DDX23: variants seen among roughly 807,000 people sequenced by gnomAD.
DDX23 encodes DEAD-box helicase 23.
Under a neutral mutation model 102.7 loss-of-function variants are expected in DDX23, and 33 were observed. That is an observed-to-expected ratio of 0.32 (90% CI 0.24 to 0.43). The LOEUF is 0.43. DDX23 is among the 20% of genes least tolerant of loss of function. The probability of loss-of-function intolerance (pLI) is 1.00; values close to 1 mark genes in which losing one functional copy is unlikely to be tolerated. For missense variants in DDX23, 549 were observed against 1,086.6 expected, an observed-to-expected ratio of 0.51 and a Z score of 6.96; for synonymous variants, 352 against 376.0, an observed-to-expected ratio of 0.94 and a Z score of 0.74.
chr12:48,836,195 C>G lies in DDX23; in HGVS notation c.1308G>C (p.Glu436Asp). The G allele has an allele frequency of 6.2e-7, 1 of 1,614,090 alleles. No homozygotes were observed. Among genetic ancestry groups the G allele is most frequent in the Non-Finnish European group, 8.5e-7 (1 of 1,180,034 alleles). ...LQNRDIIGVA[E>D]TGSGKTAAFL... The stretch of plus-strand genomic sequence containing the variant: ...AGGCTGCTGTCTTGCCACTGCCAGT[C>G]TCAGCCACACCAATGATGTCACGAT... Residue 436 changes from glutamate (E) to aspartate (D), a missense_variant, in exon 11 of 17, where the codon GAG becomes GAC. Coordinates refer to ENST00000308025, the MANE Select transcript of DDX23 (RefSeq NM_004818.3). This position sits in a 1 kb window ranked among gnomAD's most constrained non-coding sequence, Gnocchi z 6.1.
At position 48,845,510 on chromosome 12, in the gene DDX23, C is replaced by G. The variant is rs919982070; in HGVS notation, c.209+64G>C. Reference sequence around the variant, plus strand: ...CTAATACTGGAGGCATCAGAAGAACCAAGAAGGAAGAAATCTGAAACGTAC... The same window carrying G: ...CTAATACTGGAGGCATCAGAAGAACGAAGAAGGAAGAAATCTGAAACGTAC... On this transcript the variant is annotated intron_variant, in intron 2 of 16. Coordinates refer to ENST00000308025, the MANE Select transcript of DDX23 (RefSeq NM_004818.3). The G allele has an allele frequency of 3.2e-6, 5 of 1,583,492 alleles. No homozygotes were observed. The East Asian group carries it at 9.0e-5, about 28-fold the overall frequency.
chr12:48,845,823 T>G, intron 1 of DDX23, 41 bp from the exon 2 acceptor site: 1 of 1,586,158 alleles, frequency 6.3e-7, no homozygotes, highest in South Asian at 1.1e-5. Flanking sequence ...TACTAGGCAC[T>G]GCTCTAAACT....
In DDX23 at chr12:48,837,577, G is replaced by A. The variant is rs368984996; in HGVS notation, c.700C>T (p.Arg234Trp). 8 of 1,613,962 alleles carry A rather than the reference G, an allele frequency of 5.0e-6. No individual in the cohort carries two copies. The highest frequency in any genetic ancestry group is 6.8e-6 in the Non-Finnish European group (8 of 1,180,020). ...TCCTTCTCTTCCCGGATCTTCTGCCGCCCTTCCTCATCCTCATTTCCATTG... is the reference window on the plus strand; with the variant it reads ...TCCTTCTCTTCCCGGATCTTCTGCCACCCTTCCTCATCCTCATTTCCATTG... ...ETNGNEDEEG[R>W]QKIREEKDKS... Residue 234 changes from arginine (R) to tryptophan (W), a missense_variant, in exon 7 of 17, where the codon CGG becomes TGG. By Grantham distance (101) the Arg-to-Trp change is moderately radical. Transcript: ENST00000308025.
Position 48,844,041 on chromosome 12 carries a change from C to CCGT in DDX23, c.216_218dup (p.Arg73dup). On this transcript the variant is annotated inframe_insertion, in exon 3 of 17. Transcript: ENST00000308025. ...CCTTATCTCGTTCTCGTTCTTTGTG[C>CCGT]CGTCGTTCTCTGGAAGACCGCAAAT... The CCGT allele has an allele frequency of 6.2e-7, 1 of 1,614,122 alleles. No individual in the cohort carries two copies. The highest frequency in any genetic ancestry group is 8.5e-7 in the Non-Finnish European group (1 of 1,179,998).
chr12:48,837,705 G>C (rs1239666440), intron 6 of DDX23, 48 bp from the exon 7 acceptor site: 2 of 1,609,054 alleles, frequency 1.2e-6, no homozygotes, highest in African/African-American at 1.3e-5. Flanking sequence ...TGGAAGAAAA[G>C]AGGAGAGGGA....
chr12:48,831,237 T>C lies in DDX23; in HGVS notation c.2144A>G (p.Lys715Arg). The change falls in exon 16 of 17, where the codon AAG (lysine) becomes AGG (arginine). Residue 715 changes from lysine to arginine, a missense_variant. Lys to Arg is a conservative substitution (Grantham distance 26). Transcript: ENST00000308025. ...FALSNLKAGAKDILVATDVAG... is the reference protein window; with the variant it reads ...FALSNLKAGARDILVATDVAG... ...CACATCTGTAGCCACCAAAATATCC[T>C]TGGCCCCAGCCTTGAGGTTGGACAA... 2 of 1,614,260 alleles carry C rather than the reference T, an allele frequency of 1.2e-6. No individual in the cohort carries two copies. The highest frequency in any genetic ancestry group is 1.7e-6 in the Non-Finnish European group (2 of 1,180,044).
chr12:48,836,126 A>G lies in DDX23; in HGVS notation c.1377T>C (p.Ile459=). 1.2e-6 allele frequency: 2 copies of G among 1,612,858 alleles called. No homozygotes were observed. The highest frequency in any genetic ancestry group is 1.7e-6 in the Non-Finnish European group (2 of 1,179,956). ...LLVWITTLPK[I]DRIEESDQGP... is the part of the protein sequence containing the mutation. ...CTGGTGCTAGCTGACCTCACCTGTC[A>G]ATTTTGGGAAGTGTGGTGATCCAGA... The change falls in exon 11 of 17, where the codon ATT becomes ATC. Residue 459 remains isoleucine, a synonymous_variant. Coordinates refer to ENST00000308025, the MANE Select transcript of DDX23 (RefSeq NM_004818.3). This position sits in a 1 kb window ranked among gnomAD's most constrained non-coding sequence, Gnocchi z 6.1.
chr12:48,832,302 A>G lies in DDX23; in HGVS notation c.1956-116T>C. 1 of 1,554,014 alleles carries G rather than the reference A, an allele frequency of 6.4e-7. No individual in the cohort carries two copies. Among genetic ancestry groups the G allele is most frequent in the Non-Finnish European group, 8.8e-7 (1 of 1,136,894 alleles). The stretch of plus-strand genomic sequence containing the variant: ...CTTTAATGCCCATGACATTCTGCCC[A>G]AGAAAACAGCAGCTCTTCAACACAG... On this transcript the variant is annotated intron_variant, in intron 14 of 16. Coordinates refer to ENST00000308025, the MANE Select transcript of DDX23 (RefSeq NM_004818.3). This position sits in a 1 kb window ranked among gnomAD's most constrained non-coding sequence, Gnocchi z 4.4.
chr12:48,834,428 A>G lies in DDX23; in HGVS notation c.1452T>C (p.Ile484=). 3 of 1,614,082 alleles carry G rather than the reference A, an allele frequency of 1.9e-6. No individual in the cohort carries two copies. Among genetic ancestry groups the G allele is most frequent in the Non-Finnish European group, 1.7e-6 (2 of 1,180,016 alleles). ...TCCCAAACTTGATGGTCTCTTCCTCAATCTGTTGAGCCAACTCACGGGTGG... is the reference window on the plus strand; with the variant it reads ...TCCCAAACTTGATGGTCTCTTCCTCGATCTGTTGAGCCAACTCACGGGTGG... The part of the protein sequence containing the change: ...LAPTRELAQQ[I]EEETIKFGKP... The change falls in exon 12 of 17, where the codon ATT becomes ATC. Residue 484 remains isoleucine, a synonymous_variant. Coordinates refer to ENST00000308025, the MANE Select transcript of DDX23 (RefSeq NM_004818.3).
At chr12:48,837,487 T>C (rs1323815951) in intron 7 of DDX23, 37 bp downstream of exon 7, 3 of 1,613,518 alleles carry the variant, frequency 1.9e-6, no homozygotes, top group Non-Finnish European at 2.5e-6. Flanking sequence ...CTCATTTTTG[T>C]GTGGGAGAGA....
intron 6 of DDX23, 135 bp from the exon 7 acceptor site, chr12:48,837,792 T>G: frequency 6.5e-7 from 1 of 1,528,940 alleles, no homozygotes; most frequent in Non-Finnish European, 8.8e-7. Flanking sequence ...AATGGAGATC[T>G]AACAGAAAAA....
chr12:48,834,225 C>G, intron 12 of DDX23, 95 bp downstream of exon 12: 1 of 1,252,818 alleles, frequency 8.0e-7, no homozygotes, highest in South Asian at 1.5e-5. Flanking sequence ...CAGCTCCTTT[C>G]TTCATACTAC....
At chr12:48,838,809 T>A (rs961062057) in intron 5 of DDX23, among the ~76,000 whole-genome samples, 2 of 151,814 alleles carry the variant, frequency 1.3e-5, no homozygotes, top group South Asian at 2.1e-4. Flanking sequence ...GCCGAGATCA[T>A]GCCACTGCAC....
At chr12:48,834,294 G>C (rs2453473) in intron 12 of DDX23, 26 bp downstream of exon 12, 154,110 of 1,587,446 alleles carry the variant, frequency 0.097, 8,452 homozygotes, top group Middle Eastern at 0.11. Flanking sequence ...CAGACAGCAG[G>C]CTGGCTGCTA....
chr12:48,842,837 C>A (rs998538575), intron 3 of DDX23, among the ~76,000 whole-genome samples: 1 of 152,162 alleles, frequency 6.6e-6, no homozygotes. Context: ...ATGACAGTGG[C>A]GGTTTTGTGG....
chr12:48,837,418 A>C, intron 7 of DDX23, 25 bp from the exon 8 acceptor site: 1 of 1,612,984 alleles, frequency 6.2e-7, no homozygotes, highest in Non-Finnish European at 8.5e-7. Context: ...AACACAAAGC[A>C]CATGAGCTTT....
intron 1 of DDX23, among the ~76,000 whole-genome samples, chr12:48,846,951 C>A (rs1938678054): frequency 6.6e-6 from 1 of 152,210 alleles, no homozygotes; most frequent in Admixed American, 6.5e-5. Context: ...CTGCAACCAC[C>A]TCATCATCAT....
chr12:48,840,039 C>A lies in DDX23; in HGVS notation c.388G>T (p.Asp130Tyr), dbSNP rs778218389. ...KDRDSKKDEEDEHGDKKPKAQ... is the reference protein window; with the variant it reads ...KDRDSKKDEEYEHGDKKPKAQ... ...TTAGGCTTCTTATCACCATGTTCAT[C>A]CTCTTCATCCTTCTTAGAGTCTCTG... The change falls in exon 4 of 17, where the codon GAT (aspartate) becomes TAT (tyrosine). Residue 130 changes from aspartate (D) to tyrosine (Y), a missense_variant. Physicochemically the swap from Asp to Tyr is radical, Grantham distance 160. Coordinates refer to ENST00000308025, the MANE Select transcript of DDX23 (RefSeq NM_004818.3). The A allele has an allele frequency of 6.2e-7, 1 of 1,614,168 alleles. No homozygotes were observed. Among genetic ancestry groups the A allele is most frequent in the Non-Finnish European group, 8.5e-7 (1 of 1,179,980 alleles).
In DDX23 at chr12:48,833,388, C is replaced by T; in HGVS notation, c.1692G>A (p.Gln564=). ...TGACAGGCATGTGCTCCAGGATCTT[C>T]TGGACATCTGGCTCAAAGCCCATGT... ...MIDMGFEPDV[Q]KILEHMPVSN... is the part of the protein sequence containing the mutation. The change falls in exon 13 of 17, where the codon CAG becomes CAA. Residue 564 remains glutamine (Q), a synonymous_variant. Transcript: ENST00000308025. 1.2e-6 allele frequency: 2 copies of T among 1,614,220 alleles called. No individual in the cohort carries two copies. The highest frequency in any genetic ancestry group is 1.7e-6 in the Non-Finnish European group (2 of 1,180,042).
Sources: allele counts gnomAD v4.1 joint callset (sites outside exome capture counted in the v4.1 genomes callset), GRCh38; gene constraint gnomAD v4.1.1; non-coding constraint Gnocchi (gnomAD v3.1); transcripts MANE v1.5; gene names NCBI Gene and HGNC (gene_info 2026-07-23, HGNC 2026-07-21).